The following SERPINA6 variants were observed in gnomAD, a reference collection of about 807,000 sequenced individuals.
SERPINA6 encodes the protein corticosteroid-binding globulin.
In SERPINA6, 19 loss-of-function variants were observed where a neutral mutation model predicts 26.4. The ratio of observed to expected loss-of-function variants is 0.72; its 90% CI spans 0.50 to 1.06. The LOEUF (loss-of-function observed/expected upper bound fraction) is 1.06. Ranked by LOEUF, SERPINA6 falls within the 50% of genes least tolerant of loss-of-function variation. SERPINA6 has a pLI of 0.00. For synonymous variants in SERPINA6, 196 were observed against 199.4 expected (o/e 0.98, Z 0.14); for missense variants, 473 against 504.0 (o/e 0.94, Z 0.59).
intron 2 of SERPINA6, 58 bp from the exon 3 acceptor site, chr14:94,310,064 T>C (rs11160168): frequency 0.74 from 1,171,353 of 1,580,424 alleles, 437,224 homozygotes; most frequent in East Asian, 1. Context: ...TTCCAGGTGA[T>C]CTCACGGGCC....
At chr14:94,321,761 T>C (rs1432685605) in intron 1 of SERPINA6, among the ~76,000 whole-genome samples, 4 of 152,222 alleles carry the variant, frequency 2.6e-5, no homozygotes, top group Non-Finnish European at 4.4e-5. Flanking sequence ...GGAAGCCTTG[T>C]ATCTGTGCTT....
chr14:94,309,072 C>T (rs190590891), intron 3 of SERPINA6, among the ~76,000 whole-genome samples: 27 of 152,364 alleles, frequency 1.8e-4, no homozygotes, highest in African/African-American at 6.0e-4. Flanking sequence ...AGTGTCAACC[C>T]TGCACCAGCC....
Position 94,312,889 on chromosome 14 carries a change from C to A in SERPINA6, c.613+1147G>T, listed in dbSNP as rs180777367. 2.0e-5 allele frequency among the ~76,000 whole-genome samples: 3 copies of A among 152,272 alleles called. No homozygotes were observed. The East Asian group carries it at 5.8e-4, about 29-fold the overall frequency. On this transcript the variant is annotated intron_variant, in intron 2 of 4. Coordinates refer to ENST00000341584, the MANE Select transcript of SERPINA6 (RefSeq NM_001756.4). ...GTCCTGGCTGGGGATCACATCTCCTCTGATCTGATGATCTTGTCGAGAGAC... is the reference window on the plus strand; with the variant it reads ...GTCCTGGCTGGGGATCACATCTCCTATGATCTGATGATCTTGTCGAGAGAC...
chr14:94,317,572 A>G (rs926018853), intron 1 of SERPINA6, among the ~76,000 whole-genome samples: 3 of 152,098 alleles, frequency 2.0e-5, no homozygotes, highest in Non-Finnish European at 4.4e-5. Flanking sequence ...TTTCCTTTTC[A>G]CCCAATAAAT....
Position 94,323,272 on chromosome 14 carries a change from G to A in SERPINA6, c.-25C>T, listed in dbSNP as rs1484098517. On this transcript the variant is annotated 5_prime_UTR_variant, in exon 1 of 5. Coordinates refer to ENST00000341584, the MANE Select transcript of SERPINA6 (RefSeq NM_001756.4). ...GGTTCTCAGGTGTTACTCACAGTCT[G>A]CGGTGGGCTCAGGCTGTTTCTGCTG... is the stretch of plus-strand genomic sequence containing the variant. The A allele has an allele frequency of 6.6e-6, 1 of 152,436 alleles. No individual in the cohort carries two copies. Among genetic ancestry groups the A allele is most frequent in the Non-Finnish European group, 1.5e-5 (1 of 68,190 alleles). 9.4% of individuals were successfully genotyped at this position (152,436 alleles called of 1,614,324 possible).
intron 1 of SERPINA6, 93 bp from the exon 2 acceptor site, chr14:94,314,760 G>A (rs1432516743): frequency 8.2e-7 from 1 of 1,221,482 alleles, no homozygotes. Flanking sequence ...CCCCATTCAA[G>A]CCCCAGTTCC....
At chr14:94,316,300 A>G (rs748556934) in intron 1 of SERPINA6, among the ~76,000 whole-genome samples, 1 of 152,152 alleles carries the variant, frequency 6.6e-6, no homozygotes, top group Non-Finnish European at 1.5e-5. Context: ...TATCTTGGAG[A>G]ATGTCCTATT....
At chr14:94,323,016 C>G (rs1208044443) in intron 1 of SERPINA6, among the ~76,000 whole-genome samples, 3 of 152,238 alleles carry the variant, frequency 2.0e-5, no homozygotes. Flanking sequence ...TTCTTAGCTA[C>G]AGCCCTCTGT....
chr14:94,311,703 G>A (rs1234201294), intron 2 of SERPINA6, among the ~76,000 whole-genome samples: 1 of 152,146 alleles, frequency 6.6e-6, no homozygotes, highest in Non-Finnish European at 1.5e-5. Context: ...ACTTTGGGAG[G>A]CCGAGGCGGG....
intron 1 of SERPINA6, among the ~76,000 whole-genome samples, chr14:94,320,013 G>A (rs1392680223): frequency 6.6e-6 from 1 of 152,156 alleles, no homozygotes; most frequent in African/African-American, 2.4e-5. Flanking sequence ...AGTTCCATAA[G>A]AGCAATTAAA....
chr14:94,306,952 T>G (rs1319760826), intron 3 of SERPINA6, among the ~76,000 whole-genome samples: 1 of 152,258 alleles, frequency 6.6e-6, no homozygotes, highest in Admixed American at 6.5e-5. Flanking sequence ...GGGGTGTCAG[T>G]GAACTCGCAC....
chr14:94,314,063 C>A lies in SERPINA6; in HGVS notation c.586G>T (p.Val196Phe). The A allele has an allele frequency of 6.2e-7, 1 of 1,614,140 alleles. No individual in the cohort carries two copies. Residue 196 changes from valine (V) to phenylalanine (F), a missense_variant, in exon 2 of 5, where the codon GTC becomes TTC. Physicochemically the swap from Val to Phe is conservative, Grantham distance 50. Coordinates refer to ENST00000341584, the MANE Select transcript of SERPINA6 (RefSeq NM_001756.4). Reference protein sequence around the residue: ...FSGLDSPAILVLVNYIFFKGT... With the variant: ...FSGLDSPAILFLVNYIFFKGT... ...TTGAAGAAGATATAGTTGACCAGGA[C>A]GAGGATGGCTGGGCTATCCAGCCCT...
In SERPINA6 at chr14:94,314,241, G is replaced by C. The variant is rs576835982; in HGVS notation, c.408C>G (p.Ser136Arg). ...TMGNALFLDG[S>R]LELLESFSAD... ...CTGAGAATGACTCCAGCAACTCCAG[G>C]CTGCCATCAAGAAACAAGGCATTGC... The change falls in exon 2 of 5, where the codon AGC becomes AGG. Residue 136 changes from serine (S) to arginine (R), a missense_variant. Coordinates refer to ENST00000341584, the MANE Select transcript of SERPINA6 (RefSeq NM_001756.4). 3 of 1,614,202 alleles carry C rather than the reference G, an allele frequency of 1.9e-6. No individual in the cohort carries two copies. The East Asian group carries it at 6.7e-5, about 36-fold the overall frequency.
chr14:94,307,440 G>A (rs1895457555), intron 3 of SERPINA6, among the ~76,000 whole-genome samples: 1 of 152,200 alleles, frequency 6.6e-6, no homozygotes, highest in Admixed American at 6.5e-5. Flanking sequence ...GCAAGGTGAT[G>A]GGGCTTTAAG....
intron 3 of SERPINA6, among the ~76,000 whole-genome samples, chr14:94,308,997 C>T (rs1895484095): frequency 1.3e-5 from 2 of 152,222 alleles, no homozygotes; most frequent in South Asian, 4.1e-4. Context: ...CATTCACTCA[C>T]CCATCCATTC....
chr14:94,321,255 T>C (rs1038554297), intron 1 of SERPINA6, among the ~76,000 whole-genome samples: 5 of 152,130 alleles, frequency 3.3e-5, no homozygotes, highest in Non-Finnish European at 7.4e-5. Context: ...TTTACCCATC[T>C]GCAGCTGCAT....
intron 2 of SERPINA6, among the ~76,000 whole-genome samples, chr14:94,311,476 G>A (rs1329780072): frequency 6.6e-6 from 1 of 152,018 alleles, no homozygotes; most frequent in Admixed American, 6.6e-5. Flanking sequence ...TACAAAATGG[G>A]GTTCAGCCTC....
chr14:94,321,869 C>T (rs746831875), intron 1 of SERPINA6, among the ~76,000 whole-genome samples: 2 of 152,146 alleles, frequency 1.3e-5, no homozygotes, highest in African/African-American at 2.4e-5. Context: ...AGGCCCTGTG[C>T]GGTATGATGC....
chr14:94,306,008 A>G, intron 4 of SERPINA6, 63 bp downstream of exon 4: 1 of 1,588,142 alleles, frequency 6.3e-7, no homozygotes, highest in Non-Finnish European at 8.6e-7. Flanking sequence ...GCCACTTCCT[A>G]GTATTATATT....
Sources: allele counts gnomAD v4.1 joint callset (sites outside exome capture counted in the v4.1 genomes callset), GRCh38; gene constraint gnomAD v4.1.1; transcripts MANE v1.5; gene names NCBI Gene and HGNC (gene_info 2026-07-23, HGNC 2026-07-21).